Variants in POLI observed in about 807,000 individuals in gnomAD.
The protein encoded by POLI is RAD30 homolog B.
POLI carries 58 observed loss-of-function variants against 51.6 expected under a neutral mutation model. The ratio of observed to expected loss-of-function variants is 1.12; its 90% CI spans 0.91 to 1.40. The LOEUF is 1.40. Ranked by LOEUF, POLI falls within the 40% of genes most tolerant of loss-of-function variation. The probability of loss-of-function intolerance (pLI) is 0.00; values close to 1 mark genes in which losing one functional copy is unlikely to be tolerated. For missense variants in POLI, 921 were observed against 871.3 expected (o/e 1.06, Z -0.72); for synonymous variants, 322 against 299.7 (o/e 1.07, Z -0.77).
intron 3 of POLI, among the ~76,000 whole-genome samples, chr18:54,311,856 G>C (rs1478120208): frequency 1.3e-5 from 2 of 152,184 alleles, no homozygotes; most frequent in Non-Finnish European, 1.5e-5. Flanking sequence ...TCCTCACATA[G>C]TTTACATCAT....
chr18:54,269,820 G>T (rs2086920183), intron 1 of POLI, 159 bp downstream of exon 1: 1 of 1,365,366 alleles, frequency 7.3e-7, no homozygotes, highest in Non-Finnish European at 9.4e-7. Context: ...GTTACGCGGC[G>T]GGTACCTCTA....
intron 9 of POLI, among the ~76,000 whole-genome samples, chr18:54,293,078 G>GA (rs2088104292): frequency 6.6e-6 from 1 of 151,910 alleles, no homozygotes; most frequent in Non-Finnish European, 1.5e-5. Flanking sequence ...TATGGTGCTT[G>GA]AAACTAAAGG....
intron 3 of POLI, among the ~76,000 whole-genome samples, chr18:54,276,774 T>G (rs969533011): frequency 1.3e-5 from 2 of 152,212 alleles, no homozygotes; most frequent in African/African-American, 4.8e-5. Flanking sequence ...ATTGTCAATG[T>G]TGACATCAAC....
chr18:54,273,255 C>T (rs2087086613), intron 2 of POLI, among the ~76,000 whole-genome samples: 1 of 151,636 alleles, frequency 6.6e-6, no homozygotes, highest in South Asian at 2.1e-4. Flanking sequence ...TTGCTGTAGC[C>T]CAGCACTTGT....
In POLI at chr18:54,287,358, G is replaced by A. The variant is rs747076292; in HGVS notation, c.1145G>A (p.Arg382His). 16 of 1,602,066 alleles carry A rather than the reference G, an allele frequency of 1.0e-5. No individual in the cohort carries two copies. The East Asian group carries it at 2.2e-4, about 22-fold the overall frequency. The change falls in exon 8 of 10, where the codon CGT becomes CAT. Residue 382 changes from arginine (R) to histidine (H), a missense_variant. Transcript: ENST00000579534. ...RRYSSEKHYG[R>H]ESRQCPIPSH... Reference sequence around the variant, plus strand: ...TATTCCTCTGAGAAGCACTATGGTCGTGAGAGTCGTCAGTGCCCTATTCCT... The same window carrying A: ...TATTCCTCTGAGAAGCACTATGGTCATGAGAGTCGTCAGTGCCCTATTCCT...
Position 54,269,552 on chromosome 18 carries a change from G to C in POLI, c.6G>C (p.Glu2Asp). M[E>D]KLGVEPEEEG... ...CTGCGGTTGGCAGCGGCGGGATGGAGAAGCTGGGGGTGGAGCCGGAGGAGG... is the reference window on the plus strand; with the variant it reads ...CTGCGGTTGGCAGCGGCGGGATGGACAAGCTGGGGGTGGAGCCGGAGGAGG... The change falls in exon 1 of 10, where the codon GAG becomes GAC. Residue 2 changes from glutamate to aspartate, a missense_variant. Glu to Asp is a conservative substitution (Grantham distance 45, BLOSUM62 2). Coordinates refer to ENST00000579534, the MANE Select transcript of POLI (RefSeq NM_007195.3). 2 of 1,506,638 alleles carry C rather than the reference G, an allele frequency of 1.3e-6. No homozygotes were observed. Among genetic ancestry groups the C allele is most frequent in the Non-Finnish European group, 1.8e-6 (2 of 1,132,614 alleles). The allele number at this position is 1,506,638 out of a possible 1,614,324, so 93.3% of individuals were successfully genotyped here. A position where few individuals can be genotyped will look rare whatever the true frequency, so the allele number is the denominator to read the frequency against.
At chr18:54,310,112 C>A (rs2088651214) in intron 3 of POLI, among the ~76,000 whole-genome samples, 1 of 152,206 alleles carries the variant, frequency 6.6e-6, no homozygotes, top group Non-Finnish European at 1.5e-5. Flanking sequence ...CAACCAGTCC[C>A]AGTGAGATGA....
chr18:54,276,663 T>C (rs1036132856), intron 3 of POLI, among the ~76,000 whole-genome samples: 1 of 152,254 alleles, frequency 6.6e-6, no homozygotes, highest in Non-Finnish European at 1.5e-5. Context: ...TGTCAGTCTG[T>C]CCTGAAAGGA....
At chr18:54,276,926 CT>C (rs1467839115) in intron 3 of POLI, among the ~76,000 whole-genome samples, 1 of 152,172 alleles carries the variant, frequency 6.6e-6, no homozygotes, top group Non-Finnish European at 1.5e-5. Context: ...TTTGTTTTCT[CT>C]TATCCAGCTG....
At chr18:54,271,900 A>T (rs2087021407) in intron 2 of POLI, among the ~76,000 whole-genome samples, 1 of 152,192 alleles carries the variant, frequency 6.6e-6, no homozygotes, top group Admixed American at 6.5e-5. Context: ...CATCTAACTA[A>T]CTAGTTGGAT....
rs370262475 is a variant in POLI, at chr18:54,294,192, A to G, written c.1948A>G (p.Asn650Asp). 30 of 1,613,428 alleles carry G rather than the reference A, an allele frequency of 1.9e-5. No homozygotes were observed. In the African/African-American group the frequency reaches 2.0e-4, roughly 11 times the overall value. ...TCAAGGATTCCACTTTACAAATTCAAACCCTGCTGTGTCTGCTTTTCATTC... is the reference window on the plus strand; with the variant it reads ...TCAAGGATTCCACTTTACAAATTCAGACCCTGCTGTGTCTGCTTTTCATTC... ...EPQGFHFTNS[N>D]PAVSAFHSFP... is the part of the protein sequence containing the mutation. The change falls in exon 10 of 10, where the codon AAC becomes GAC. Residue 650 changes from asparagine (N) to aspartate (D), a missense_variant. Coordinates refer to ENST00000579534, the MANE Select transcript of POLI (RefSeq NM_007195.3).
At chr18:54,269,873 A>G (rs2086923260) in intron 1 of POLI, 2 of 1,320,944 alleles carry the variant, frequency 1.5e-6, no homozygotes, top group South Asian at 2.1e-5. Context: ...GGGCGCGTCC[A>G]CACTACAAAT....
chr18:54,318,706 C>G (rs1006701074), intron 3 of POLI, among the ~76,000 whole-genome samples: 1 of 152,100 alleles, frequency 6.6e-6, no homozygotes, highest in African/African-American at 2.4e-5. Context: ...AAGCCAACAA[C>G]CAATTTCAAA....
rs1237736625 is a variant in POLI, at chr18:54,293,807, T to C, written c.1563T>C (p.Cys521=). The change falls in exon 10 of 10, where the codon TGT becomes TGC. Residue 521 remains cysteine, a synonymous_variant. Transcript: ENST00000579534. The stretch of plus-strand genomic sequence containing the variant: ...AAGACATTAATGAATTCCCACTCTG[T>C]TCACTTCCTGAAGGTGTTGACCAAG... ...KEKDINEFPL[C]SLPEGVDQEV... is the part of the protein sequence containing the mutation. 2 of 1,608,670 alleles carry C rather than the reference T, an allele frequency of 1.2e-6. No homozygotes were observed. Among genetic ancestry groups the C allele is most frequent in the Admixed American group, 1.7e-5 (1 of 59,172 alleles).
intron 3 of POLI, among the ~76,000 whole-genome samples, chr18:54,314,359 C>T (rs1322510016): frequency 6.6e-6 from 1 of 152,158 alleles, no homozygotes; most frequent in Non-Finnish European, 1.5e-5. Flanking sequence ...TGATGTTCTG[C>T]TGGATTCAGA....
chr18:54,314,762 G>A (rs1036918537), intron 3 of POLI, among the ~76,000 whole-genome samples: 23 of 151,444 alleles, frequency 1.5e-4, no homozygotes, highest in Admixed American at 1.3e-3. Flanking sequence ...AGAGGTGTTC[G>A]TAATGGTCAC....
chr18:54,312,349 A>G (rs2088679433), intron 3 of POLI, among the ~76,000 whole-genome samples: 1 of 152,092 alleles, frequency 6.6e-6, no homozygotes, highest in Non-Finnish European at 1.5e-5. Context: ...TATCGAGTAT[A>G]TCATTGATGG....
chr18:54,270,083 C>G (rs1045778281), intron 1 of POLI: 14 of 975,722 alleles, frequency 1.4e-5, no homozygotes, highest in Non-Finnish European at 1.7e-5. Flanking sequence ...AGAACCTAGG[C>G]GGAGTCAGGT....
intron 8 of POLI, 150 bp downstream of exon 8, chr18:54,287,561 A>T (rs1461669960): frequency 1.8e-6 from 1 of 564,190 alleles, no homozygotes. Flanking sequence ...TTTTCACTGG[A>T]AAACTTTGTT....
Sources: gnomAD v4.1 joint callset for allele counts (sites outside exome capture counted in the v4.1 genomes callset) on GRCh38, gnomAD v4.1.1 for gene constraint, MANE v1.5 for transcripts, NCBI Gene and HGNC (gene_info 2026-07-23, HGNC 2026-07-21) for gene names.